TAX1BP1: variants seen among roughly 807,000 people sequenced by gnomAD.
TAX1BP1 encodes the protein tax1-binding protein 1.
TAX1BP1 carries 62 observed loss-of-function variants against 97.7 expected under a neutral mutation model. The ratio of observed to expected loss-of-function variants is 0.63; its 90% confidence interval spans 0.52 to 0.78. TAX1BP1 has a LOEUF of 0.78. Ranked by LOEUF, TAX1BP1 falls within the 30% of genes least tolerant of loss-of-function variation. The probability of loss-of-function intolerance (pLI) is 0.00; values close to 1 mark genes in which losing one functional copy is unlikely to be tolerated. For missense variants in TAX1BP1, 867 were observed against 916.1 expected (o/e 0.95, Z 0.69); for synonymous variants, 340 against 304.2 (o/e 1.12, Z -1.23).
chr7:27,754,655 C>T (rs1205945344), intron 2 of TAX1BP1, among the ~76,000 whole-genome samples: 2 of 152,094 alleles, frequency 1.3e-5, no homozygotes, highest in African/African-American at 4.8e-5. Context: ...TCGCTGCAAC[C>T]TCTGCCTCCT....
At chr7:27,754,377 A>C (rs1023450869) in intron 2 of TAX1BP1, among the ~76,000 whole-genome samples, 1 of 148,394 alleles carries the variant, frequency 6.7e-6, no homozygotes, top group Non-Finnish European at 1.5e-5. Context: ...AAAAAATTAC[A>C]ATTATAATAT....
chr7:27,780,029 G>T (rs1172246110), intron 5 of TAX1BP1, among the ~76,000 whole-genome samples: 2 of 152,304 alleles, frequency 1.3e-5, no homozygotes, highest in East Asian at 3.9e-4. Context: ...TGGGAATACA[G>T]TATAGTTGGG....
chr7:27,777,351 G>C (rs1234283232), intron 5 of TAX1BP1, among the ~76,000 whole-genome samples: 1 of 152,052 alleles, frequency 6.6e-6, no homozygotes, highest in East Asian at 1.9e-4. Context: ...TTGTTTAGTG[G>C]TACCAGAGCA....
At chr7:27,794,236 GTA>G in intron 10 of TAX1BP1, 85 bp from the exon 11 acceptor site, 1 of 1,188,114 alleles carries the variant, frequency 8.4e-7, no homozygotes, top group Non-Finnish European at 1.1e-6. Context: ...AAAGTAATAT[GTA>G]AAAATATTAT....
At chr7:27,749,646 T>C (rs1339165219) in intron 2 of TAX1BP1, among the ~76,000 whole-genome samples, 1 of 152,242 alleles carries the variant, frequency 6.6e-6, no homozygotes, top group Non-Finnish European at 1.5e-5. Flanking sequence ...GTTCCTTTCT[T>C]TGAATTCCTC....
Position 27,753,471 on chromosome 7 carries a change from A to G in TAX1BP1, c.163-4560A>G, listed in dbSNP as rs572559951. Among the ~76,000 whole-genome samples the G allele has an allele frequency of 3.9e-5, 6 of 152,326 alleles. No individual in the cohort carries two copies. In the South Asian group the frequency reaches 1.2e-3, roughly 32 times the overall value. On this transcript the variant is annotated intron_variant, in intron 2 of 16. Transcript: ENST00000396319. ...GTACATAAGCATGAGGAATTGGTGTATGTTTAGATTTATGCTTAGTACAAA... is the reference window on the plus strand; with the variant it reads ...GTACATAAGCATGAGGAATTGGTGTGTGTTTAGATTTATGCTTAGTACAAA...
At chr7:27,760,147 C>T (rs1788368998) in intron 3 of TAX1BP1, among the ~76,000 whole-genome samples, 1 of 152,070 alleles carries the variant, frequency 6.6e-6, no homozygotes, top group Admixed American at 6.6e-5. Context: ...AGCCACCATG[C>T]CTGGCCCTAA....
chr7:27,794,654 A>G (rs1166293503), intron 11 of TAX1BP1, among the ~76,000 whole-genome samples: 1 of 152,202 alleles, frequency 6.6e-6, no homozygotes, highest in African/African-American at 2.4e-5. Context: ...TAAAATGTGA[A>G]TGTAAACTAG....
At chr7:27,798,634 A>T (rs1380871870) in intron 12 of TAX1BP1, among the ~76,000 whole-genome samples, 1 of 148,684 alleles carries the variant, frequency 6.7e-6, no homozygotes, top group African/African-American at 2.5e-5. Flanking sequence ...ACTGCACTCC[A>T]GCCTGGGTGA....
intron 1 of TAX1BP1, among the ~76,000 whole-genome samples, chr7:27,747,986 T>A (rs778099462): frequency 2.6e-5 from 4 of 151,976 alleles, no homozygotes; most frequent in Non-Finnish European, 5.9e-5. Flanking sequence ...GGTTTAGTTA[T>A]AGGACCCCAA....
At chr7:27,775,103 A>C (rs897850583) in intron 5 of TAX1BP1, among the ~76,000 whole-genome samples, 2 of 152,162 alleles carry the variant, frequency 1.3e-5, no homozygotes, top group African/African-American at 2.4e-5. Flanking sequence ...GAAGCCTTTA[A>C]TATCTTGCTT....
intron 13 of TAX1BP1, chr7:27,802,996 C>A: frequency 2.0e-6 from 2 of 999,330 alleles, no homozygotes; most frequent in Admixed American, 3.2e-5. Context: ...GAGGAAAATA[C>A]GTGGATTTAG....
chr7:27,802,633 T>G (rs1790184322), intron 13 of TAX1BP1, among the ~76,000 whole-genome samples: 2 of 152,166 alleles, frequency 1.3e-5, no homozygotes, highest in Admixed American at 1.3e-4. Flanking sequence ...TGAATTCTGT[T>G]AACAGAAGTA....
chr7:27,816,812 C>G, intron 14 of TAX1BP1, 78 bp from the exon 15 acceptor site: 3 of 1,522,368 alleles, frequency 2.0e-6, no homozygotes. Flanking sequence ...TCTTTATATC[C>G]TGTTCATCAT....
At chr7:27,801,771 G>A (rs935082345) in intron 13 of TAX1BP1, among the ~76,000 whole-genome samples, 2 of 152,134 alleles carry the variant, frequency 1.3e-5, no homozygotes, top group South Asian at 2.1e-4. Context: ...CTAAAATTAC[G>A]TAGTTGGTAA....
chr7:27,798,563 C>G (rs564034752), intron 12 of TAX1BP1, among the ~76,000 whole-genome samples: 160 of 150,628 alleles, frequency 1.1e-3, no homozygotes, highest in African/African-American at 3.7e-3. Flanking sequence ...ACATGGGAGG[C>G]TGGGGCAGGA....
chr7:27,741,239 T>TA (rs1292142041), intron 1 of TAX1BP1, among the ~76,000 whole-genome samples: 2 of 152,232 alleles, frequency 1.3e-5, no homozygotes, highest in African/African-American at 2.4e-5. Flanking sequence ...AATTAATAGT[T>TA]ACAAGTTTGG....
chr7:27,796,319 C>T, intron 12 of TAX1BP1, 100 bp downstream of exon 12: 1 of 1,010,834 alleles, frequency 9.9e-7, no homozygotes. Context: ...GTTTCTTTTC[C>T]ATCTCCATAT....
intron 15 of TAX1BP1, among the ~76,000 whole-genome samples, chr7:27,819,123 G>A (rs926409392): frequency 5.3e-5 from 8 of 152,002 alleles, no homozygotes; most frequent in African/African-American, 1.9e-4. Context: ...GTAATGAACC[G>A]ATGAAAGAAT....
Sources: gnomAD v4.1 joint callset for allele counts (sites outside exome capture counted in the v4.1 genomes callset) on GRCh38, gnomAD v4.1.1 for gene constraint, MANE v1.5 for transcripts, NCBI Gene and HGNC (gene_info 2026-07-23, HGNC 2026-07-21) for gene names.